MTA3: variants seen among roughly 807,000 people sequenced by gnomAD.
MTA3 encodes the protein metastasis-associated protein MTA3.
Under a neutral mutation model 83.5 loss-of-function variants are expected in MTA3, and 34 were observed. That is an observed-to-expected ratio of 0.41 (90% CI 0.31 to 0.54). The LOEUF (loss-of-function observed/expected upper bound fraction) is 0.54, where lower values mean the gene tolerates loss of function less well. Ranked by LOEUF, MTA3 falls within the 20% of genes least tolerant of loss-of-function variation. MTA3 has a pLI of 0.33. For synonymous variants in MTA3, 303 were observed against 252.7 expected (o/e 1.20, Z -1.89); for missense variants, 761 against 726.4 (o/e 1.05, Z -0.55).
At chr2:42,707,336 C>T (rs1164532223) in intron 12 of MTA3, among the ~76,000 whole-genome samples, 1 of 152,002 alleles carries the variant, frequency 6.6e-6, no homozygotes, top group Non-Finnish European at 1.5e-5. Context: ...CTCTGCCTCC[C>T]ACATTCAAGC....
At chr2:42,667,570 T>TTGTGTGTG (rs1553379043) in intron 8 of MTA3, among the ~76,000 whole-genome samples, 38 of 145,006 alleles carry the variant, frequency 2.6e-4, no homozygotes, top group Non-Finnish European at 4.4e-4. Context: ...CATTTAAAAA[T>TTGTGTGTG]TGTGTGTGTG....
At chr2:42,614,414 A>T (rs1257907398) in intron 4 of MTA3, among the ~76,000 whole-genome samples, 1 of 152,168 alleles carries the variant, frequency 6.6e-6, no homozygotes, top group Non-Finnish European at 1.5e-5. Flanking sequence ...TTTTCTTACT[A>T]CAAATATTCA....
At chr2:42,623,518 C>T (rs942112241) in intron 4 of MTA3, among the ~76,000 whole-genome samples, 3 of 152,140 alleles carry the variant, frequency 2.0e-5, no homozygotes, top group African/African-American at 4.8e-5. Context: ...GAATCCAGCA[C>T]AACAGGTGGC....
rs185898631 is a variant in MTA3, at chr2:42,534,523, G to A, written c.-140-35914G>A. 1.3e-3 allele frequency among the ~76,000 whole-genome samples: 200 copies of A among 152,014 alleles called. 1 individual carries two copies. The highest frequency in any genetic ancestry group is 4.6e-3 in the African/African-American group (191 of 41,458). On this transcript the variant is annotated intron_variant, in intron 2 of 17. Transcript: ENST00000405592. Reference sequence around the variant, plus strand: ...GAGGGAGGAGAATCGCTTGAACCCGGGAGGCAGAGGTTGCAGTGAGCCAAG... The same window carrying A: ...GAGGGAGGAGAATCGCTTGAACCCGAGAGGCAGAGGTTGCAGTGAGCCAAG...
At position 42,552,395 on chromosome 2, in the gene MTA3, A is replaced by G. The variant is rs143891520; in HGVS notation, c.-140-18042A>G. On this transcript the variant is annotated intron_variant, in intron 2 of 17. Transcript: ENST00000405592. Reference sequence around the variant, plus strand: ...CTGAGCTCATCAGCAAATTTAGAGCAGACTATGAAGATGCTTGTCTTAAAA... The same window carrying G: ...CTGAGCTCATCAGCAAATTTAGAGCGGACTATGAAGATGCTTGTCTTAAAA... Among the ~76,000 whole-genome samples, 151 of 152,328 alleles carry G rather than the reference A, an allele frequency of 9.9e-4. 1 individual carries two copies. Among genetic ancestry groups the G allele is most frequent in the African/African-American group, 3.5e-3 (146 of 41,582 alleles).
intron 9 of MTA3, among the ~76,000 whole-genome samples, chr2:42,685,249 G>A (rs1317693928): frequency 2.0e-5 from 3 of 152,086 alleles, no homozygotes; most frequent in Non-Finnish European, 2.9e-5. Flanking sequence ...TGTCTTTGTG[G>A]TCTAACAAAA....
intron 16 of MTA3, among the ~76,000 whole-genome samples, chr2:42,734,102 G>C (rs1427380320): frequency 1.3e-5 from 2 of 152,118 alleles, no homozygotes; most frequent in East Asian, 3.9e-4. Context: ...TCTGGACGAT[G>C]TGTTCATTGC....
chr2:42,694,849 A>G (rs1693234892), intron 9 of MTA3, among the ~76,000 whole-genome samples: 1 of 152,142 alleles, frequency 6.6e-6, no homozygotes, highest in African/African-American at 2.4e-5. Context: ...AAGTCATGAA[A>G]TGTTATCAGG....
rs1558428246 is a variant in MTA3 at position 42,548,831 on chromosome 2, T to TATATATATATATA, written c.-140-21605_-140-21593dup. ...AAAAAATATATATATATATATATAATATATATATATATATAATATATATAT... is the reference window on the plus strand; with the variant it reads ...AAAAAATATATATATATATATATAATATATATATATATAATATATATATATATAATATATATAT... On this transcript the variant is annotated intron_variant, in intron 2 of 17. Coordinates refer to the MTA3 transcript ENST00000405592. 9.9e-3 allele frequency among the ~76,000 whole-genome samples: 84 copies of TATATATATATATA among 8,500 alleles called. 7 individuals carry two copies. Among genetic ancestry groups the TATATATATATATA allele is most frequent in the Non-Finnish European group, 0.015 (59 of 3,980 alleles). 5.6% of individuals were successfully genotyped at this position (8,500 alleles called of 152,430 possible).
chr2:42,600,112 C>T (rs965444584), intron 3 of MTA3, among the ~76,000 whole-genome samples: 1 of 151,950 alleles, frequency 6.6e-6, no homozygotes, highest in African/African-American at 2.4e-5. Flanking sequence ...GCAGGAGAAT[C>T]GCTTGAACCC....
chr2:42,703,925 G>T, intron 11 of MTA3: 1 of 280,046 alleles, frequency 3.6e-6, no homozygotes, highest in Admixed American at 5.0e-5. Flanking sequence ...ATGTTCTAAG[G>T]AAATTGTATT....
At chr2:42,700,343 A>G (rs1285732265) in intron 11 of MTA3, among the ~76,000 whole-genome samples, 1 of 152,228 alleles carries the variant, frequency 6.6e-6, no homozygotes, top group African/African-American at 2.4e-5. Flanking sequence ...AATGACATCA[A>G]TCATTTGTCC....
chr2:42,588,218 C>T (rs560684213), intron 3 of MTA3, among the ~76,000 whole-genome samples: 1 of 152,264 alleles, frequency 6.6e-6, no homozygotes, highest in Non-Finnish European at 1.5e-5. Flanking sequence ...TTCTGTTCCT[C>T]ATGTTTGATT....
chr2:42,624,466 G>A (rs959524024), intron 4 of MTA3, among the ~76,000 whole-genome samples: 1 of 151,970 alleles, frequency 6.6e-6, no homozygotes, highest in African/African-American at 2.4e-5. Context: ...GATTACAGGT[G>A]CCTGCCACCA....
chr2:42,639,674 A>G (rs549940063), intron 4 of MTA3, among the ~76,000 whole-genome samples: 2 of 152,320 alleles, frequency 1.3e-5, no homozygotes, highest in African/African-American at 4.8e-5. Context: ...ATATAGATGA[A>G]TTAGTTATAT....
At chr2:42,647,721 T>G (rs1573464077) in intron 6 of MTA3, among the ~76,000 whole-genome samples, 1 of 152,232 alleles carries the variant, frequency 6.6e-6, no homozygotes, top group African/African-American at 2.4e-5. Context: ...AATACTGTAT[T>G]TTTCATCATA....
intron 11 of MTA3, among the ~76,000 whole-genome samples, chr2:42,699,585 A>C (rs1693682529): frequency 6.6e-6 from 1 of 152,186 alleles, no homozygotes; most frequent in Non-Finnish European, 1.5e-5. Flanking sequence ...CTTGACCTAG[A>C]GTAGTAGCTC....
At chr2:42,546,523 C>G (rs1488489880) in intron 2 of MTA3, among the ~76,000 whole-genome samples, 1 of 152,026 alleles carries the variant, frequency 6.6e-6, no homozygotes, top group Non-Finnish European at 1.5e-5. Flanking sequence ...CCAAAAAGAA[C>G]TGAAAAAAAT....
intron 4 of MTA3, among the ~76,000 whole-genome samples, chr2:42,610,378 C>T (rs1684042170): frequency 6.6e-6 from 1 of 152,176 alleles, no homozygotes; most frequent in South Asian, 2.1e-4. Context: ...TTTACTATTC[C>T]TTAATAACAC....
Sources: gnomAD v4.1 joint callset for allele counts (sites outside exome capture counted in the v4.1 genomes callset) on GRCh38, gnomAD v4.1.1 for gene constraint, MANE v1.5 for transcripts, NCBI Gene and HGNC (gene_info 2026-07-23, HGNC 2026-07-21) for gene names.